DTWD2: variants seen among roughly 807,000 people sequenced by gnomAD.
DTWD2 encodes DTW motif tRNA-uridine aminocarboxypropyltransferase 2, also known as tRNA-uridine aminocarboxypropyltransferase 2.
A neutral mutation model predicts 31.8 loss-of-function variants in DTWD2; 39 were observed. The ratio of observed to expected loss-of-function variants is 1.22; its 90% CI spans 0.95 to 1.60. The LOEUF (loss-of-function observed/expected upper bound fraction) is 1.60, where lower values mean the gene tolerates loss of function less well. DTWD2 is among the 40% of genes most tolerant of loss of function. The pLI is 0.00. For missense variants in DTWD2, 515 were observed against 381.5 expected, an observed-to-expected ratio of 1.35 and a Z score of -2.92; for synonymous variants, 180 against 142.8, an observed-to-expected ratio of 1.26 and a Z score of -1.86.
intron 4 of DTWD2, among the ~76,000 whole-genome samples, chr5:118,894,790 A>T (rs1244267386): frequency 6.6e-6 from 1 of 152,168 alleles, no homozygotes; most frequent in African/African-American, 2.4e-5. Flanking sequence ...GCTAAAAAAG[A>T]TTTCAACAAA....
intron 4 of DTWD2, among the ~76,000 whole-genome samples, chr5:118,907,707 G>C (rs983937027): frequency 2.0e-5 from 3 of 151,352 alleles, no homozygotes; most frequent in African/African-American, 7.3e-5. Context: ...CTCAGCCTGG[G>C]TGACAGCGAG....
At chr5:118,979,129 C>G (rs1188424250) in intron 1 of DTWD2, among the ~76,000 whole-genome samples, 1 of 151,934 alleles carries the variant, frequency 6.6e-6, no homozygotes, top group East Asian at 1.9e-4. Context: ...ATGGTGAAAC[C>G]CCATCTCTGC....
At chr5:118,947,566 T>C (rs1046146517) in intron 1 of DTWD2, among the ~76,000 whole-genome samples, 4 of 152,150 alleles carry the variant, frequency 2.6e-5, no homozygotes, top group African/African-American at 9.7e-5. Flanking sequence ...TTCTCTTCTC[T>C]CTGCCAGTAC....
At chr5:118,857,975 T>C (rs1402025669) in intron 4 of DTWD2, among the ~76,000 whole-genome samples, 6 of 152,186 alleles carry the variant, frequency 3.9e-5, no homozygotes, top group South Asian at 2.1e-4. Flanking sequence ...CAGAACAGAA[T>C]TGAATCTTAT....
At chr5:118,919,166 G>A (rs537900845) in intron 4 of DTWD2, among the ~76,000 whole-genome samples, 12 of 152,292 alleles carry the variant, frequency 7.9e-5, no homozygotes, top group South Asian at 6.2e-4. Flanking sequence ...CAGTTCCCCC[G>A]ATTCCCTGTG....
chr5:118,869,161 C>G (rs529115387), intron 4 of DTWD2, among the ~76,000 whole-genome samples: 10 of 151,984 alleles, frequency 6.6e-5, no homozygotes, highest in Admixed American at 1.3e-4. Flanking sequence ...TATGAGTGTA[C>G]CTAATTCCAC....
chr5:118,887,093 G>A (rs1752883966), intron 4 of DTWD2, among the ~76,000 whole-genome samples: 1 of 152,192 alleles, frequency 6.6e-6, no homozygotes, highest in Non-Finnish European at 1.5e-5. Flanking sequence ...ATTTTTCTGA[G>A]TGGTTTGGGT....
intron 4 of DTWD2, among the ~76,000 whole-genome samples, chr5:118,909,090 T>C (rs1203662802): frequency 4.6e-5 from 7 of 152,112 alleles, no homozygotes; most frequent in Non-Finnish European, 1.0e-4. Flanking sequence ...TAAGCACCAG[T>C]TTCTCCATCC....
chr5:118,913,432 TACAC>T (rs56346643), intron 4 of DTWD2, among the ~76,000 whole-genome samples: 124 of 137,714 alleles, frequency 9.0e-4, no homozygotes, highest in African/African-American at 3.0e-3. Context: ...TATATATATA[TACAC>T]ACACACACAC....
At chr5:118,862,504 TC>T in intron 4 of DTWD2, among the ~76,000 whole-genome samples, 1 of 152,282 alleles carries the variant, frequency 6.6e-6, no homozygotes, top group African/African-American at 2.4e-5. Flanking sequence ...TATACACAGG[TC>T]TTTAGTGTGA....
chr5:118,885,392 C>A (rs1445602917), intron 4 of DTWD2, among the ~76,000 whole-genome samples: 10 of 140,190 alleles, frequency 7.1e-5, no homozygotes. Context: ...GTGGAGGTAG[C>A]AGCGAGCCGA....
intron 5 of DTWD2, among the ~76,000 whole-genome samples, chr5:118,846,725 T>C (rs150876779): frequency 6.6e-6 from 1 of 152,118 alleles, no homozygotes; most frequent in East Asian, 1.9e-4. Context: ...GAAAGACACA[T>C]ATGGGGTATA....
intron 1 of DTWD2, chr5:118,974,113 C>A (rs1012563717): frequency 9.4e-6 from 15 of 1,587,794 alleles, no homozygotes; most frequent in Non-Finnish European, 1.0e-5. Flanking sequence ...AGAAGACCGA[C>A]GAGGATGACT....
In DTWD2 at chr5:118,928,566, T is replaced by C; in HGVS notation, c.568A>G (p.Lys190Glu). 2 of 1,525,642 alleles carry C rather than the reference T, an allele frequency of 1.3e-6. No individual in the cohort carries two copies. Among genetic ancestry groups the C allele is most frequent in the Non-Finnish European group, 1.8e-6 (2 of 1,138,454 alleles). 94.5% of individuals were successfully genotyped at this position (1,525,642 alleles called of 1,614,324 possible). The change falls in exon 4 of 6, where the codon AAG becomes GAG. Residue 190 changes from lysine to glutamate, a missense_variant. Lys to Glu is a moderately conservative substitution (Grantham distance 56). Coordinates refer to ENST00000510708, the MANE Select transcript of DTWD2 (RefSeq NM_173666.4). ...TWSQAKDIFY[K>E]NSLFRHPKQV... ...TTGGGATGTCGGAACAAGGAGTTCT[T>C]ATAGAAAATGTCCTTAGCCTGGCTC...
intron 2 of DTWD2, among the ~76,000 whole-genome samples, chr5:118,940,253 G>C (rs1283045816): frequency 1.3e-5 from 2 of 152,156 alleles, no homozygotes; most frequent in Non-Finnish European, 1.5e-5. Flanking sequence ...ATAGAGCCAA[G>C]TGATTAGTTA....
intron 3 of DTWD2, among the ~76,000 whole-genome samples, chr5:118,938,110 A>T (rs1283200780): frequency 1.3e-5 from 2 of 152,228 alleles, no homozygotes; most frequent in African/African-American, 4.8e-5. Flanking sequence ...AGCCGATATC[A>T]TAGTTAATAA....
intron 4 of DTWD2, among the ~76,000 whole-genome samples, chr5:118,851,455 A>AG (rs895589231): frequency 8.6e-5 from 13 of 151,974 alleles, no homozygotes; most frequent in African/African-American, 3.1e-4. Flanking sequence ...TCAAAAGGGG[A>AG]GGGGGTGTAT....
chr5:118,874,556 A>G (rs577420433), intron 4 of DTWD2, among the ~76,000 whole-genome samples: 14 of 152,306 alleles, frequency 9.2e-5, no homozygotes, highest in Non-Finnish European at 1.6e-4. Flanking sequence ...TAAGAATTTC[A>G]CAATGCAATC....
At chr5:118,985,406 A>G (rs892380913) in intron 1 of DTWD2, among the ~76,000 whole-genome samples, 10 of 150,842 alleles carry the variant, frequency 6.6e-5, no homozygotes, top group African/African-American at 2.4e-4. Flanking sequence ...ATATGTTCCT[A>G]TAACACCTTA....
Sources: allele counts gnomAD v4.1 joint callset (sites outside exome capture counted in the v4.1 genomes callset), GRCh38; gene constraint gnomAD v4.1.1; transcripts MANE v1.5; gene names NCBI Gene and HGNC (gene_info 2026-07-23, HGNC 2026-07-21).